The following KPNA7 variants were observed in gnomAD, a reference collection of about 807,000 sequenced individuals.
The protein encoded by KPNA7 is karyopherin subunit alpha 7.
Under a neutral mutation model 53.7 loss-of-function variants are expected in KPNA7, and 54 were observed. The ratio of observed to expected loss-of-function variants is 1.01; its 90% CI spans 0.81 to 1.26. The LOEUF (loss-of-function observed/expected upper bound fraction) is 1.26. Ranked by LOEUF, KPNA7 falls within the 50% of genes most tolerant of loss-of-function variation. The pLI is 0.00. For synonymous variants in KPNA7, 276 were observed against 259.3 expected (o/e 1.06, Z -0.62); for missense variants, 640 against 644.5 (o/e 0.99, Z 0.07).
chr7:99,187,282 C>T (rs182986282), intron 7 of KPNA7, among the ~76,000 whole-genome samples: 40 of 152,104 alleles, frequency 2.6e-4, no homozygotes, highest in Admixed American at 9.2e-4. Flanking sequence ...AGAGAGACTC[C>T]GTCTCACACA....
rs1798923565 is a variant in KPNA7, at chr7:99,176,784, T to C, written c.1464+1136A>G. On this transcript the variant is annotated intron_variant, in intron 10 of 10. Transcript: ENST00000327442. Reference sequence around the variant, plus strand: ...GTCCCAGCTACTTGGGAGCCTGAGGTGGGAGGATTGCTTGAGCCCAGGGAA... The same window carrying C: ...GTCCCAGCTACTTGGGAGCCTGAGGCGGGAGGATTGCTTGAGCCCAGGGAA... Among the ~76,000 whole-genome samples, 3 of 151,806 alleles carry C rather than the reference T, an allele frequency of 2.0e-5. No individual in the cohort carries two copies. In the South Asian group the frequency reaches 6.3e-4, roughly 32 times the overall value.
intron 2 of KPNA7, among the ~76,000 whole-genome samples, chr7:99,206,455 C>T (rs555728331): frequency 3.3e-5 from 5 of 151,876 alleles, no homozygotes; most frequent in Non-Finnish European, 7.4e-5. Context: ...TCATGCCCAG[C>T]CCAGCCTGGT....
At chr7:99,176,309 AAAAGAAAG>A (rs202057365) in intron 10 of KPNA7, among the ~76,000 whole-genome samples, 12,293 of 104,216 alleles carry the variant, frequency 0.12, 856 homozygotes, top group Middle Eastern at 0.17. Context: ...AAAAAAAAAA[AAAAGAAAG>A]AAAGAAAGAA....
At position 99,173,806 on chromosome 7, in the gene KPNA7, A is replaced by G; in HGVS notation, c.1465-12T>C. 1 of 1,464,676 alleles carries G rather than the reference A, an allele frequency of 6.8e-7. No homozygotes were observed. The highest frequency in any genetic ancestry group is 9.4e-7 in the Non-Finnish European group (1 of 1,067,842). 90.7% of individuals were successfully genotyped at this position (1,464,676 alleles called of 1,614,324 possible). ...CTCTCATCTTCTTCCTTCAGGAGAG[A>G]ATAGACACTGTTATACCTCCAGGAT... On this transcript the variant is annotated splice_polypyrimidine_tract_variant and intron_variant, in intron 10 of 10. Transcript: ENST00000327442.
rs148054902 is a variant in KPNA7, at chr7:99,187,123, C to G, written c.900+1177G>C. Reference sequence around the variant, plus strand: ...CCAACCTGGTGAAACCCTGTCTCTACTAAAAATACAAAAATTAGCTGGGCG... The same window carrying G: ...CCAACCTGGTGAAACCCTGTCTCTAGTAAAAATACAAAAATTAGCTGGGCG... On this transcript the variant is annotated intron_variant, in intron 7 of 10. Coordinates refer to ENST00000327442, the MANE Select transcript of KPNA7 (RefSeq NM_001145715.3). Among the ~76,000 whole-genome samples, 1,520 of 152,084 alleles carry G rather than the reference C, an allele frequency of 1.0e-2. 25 individuals are homozygous for G. Among genetic ancestry groups the G allele is most frequent in the African/African-American group, 0.034 (1,418 of 41,486 alleles).
intron 3 of KPNA7, among the ~76,000 whole-genome samples, chr7:99,196,859 G>A (rs1474732257): frequency 6.6e-6 from 1 of 152,154 alleles, no homozygotes; most frequent in Non-Finnish European, 1.5e-5. Flanking sequence ...TCAGAGCTTA[G>A]TCAGTATGAA....
At chr7:99,174,010 T>C (rs962173336) in intron 10 of KPNA7, among the ~76,000 whole-genome samples, 2 of 152,202 alleles carry the variant, frequency 1.3e-5, no homozygotes, top group Non-Finnish European at 2.9e-5. Context: ...TTTGTACCTA[T>C]TGCATCAGGG....
At chr7:99,169,791 A>G (rs1031853885), downstream of KPNA7, among the ~76,000 whole-genome samples, 1 of 151,934 alleles carries the variant, frequency 6.6e-6, no homozygotes, top group African/African-American at 2.4e-5. Context: ...CTGTAATCCC[A>G]GCACTTTGGG....
the KPNA7 span, among the ~76,000 whole-genome samples, chr7:99,152,345 G>C: frequency 2.1e-5 from 3 of 141,838 alleles, no homozygotes; most frequent in Non-Finnish European, 4.5e-5. Flanking sequence ...CAGAGCGAGA[G>C]AGACTCCGTC....
chr7:99,149,856 G>A, the KPNA7 span, among the ~76,000 whole-genome samples: 11 of 152,060 alleles, frequency 7.2e-5, no homozygotes, highest in East Asian at 7.7e-4. Flanking sequence ...GCACGATCTC[G>A]GCTCACGTGC....
In KPNA7 at chr7:99,207,441, T is replaced by G; in HGVS notation, c.26A>C (p.Glu9Ala). Residue 9 changes from glutamate to alanine, a missense_variant, in exon 2 of 11, where the codon GAG becomes GCG. Coordinates refer to ENST00000327442, the MANE Select transcript of KPNA7 (RefSeq NM_001145715.3). ...TCGGTACTTAAATTTTCTCCGCCTC[T>G]CTTCTGGAGCATCTAAGGTCGGCAT... MPTLDAPE[E>A]RRRKFKYRGK... 1 of 1,551,336 alleles carries G rather than the reference T, an allele frequency of 6.4e-7. No homozygotes were observed. The highest frequency in any genetic ancestry group is 2.4e-5 in the East Asian group (1 of 40,894).
chr7:99,157,924 G>A, the KPNA7 span, among the ~76,000 whole-genome samples: 25 of 152,144 alleles, frequency 1.6e-4, no homozygotes, highest in Non-Finnish European at 3.1e-4. Flanking sequence ...ACAGGCAGGT[G>A]CTACCACACC....
At chr7:99,189,707 A>C (rs975694855) in intron 6 of KPNA7, among the ~76,000 whole-genome samples, 1 of 151,916 alleles carries the variant, frequency 6.6e-6, no homozygotes, top group Non-Finnish European at 1.5e-5. Flanking sequence ...CTACAGCCTC[A>C]ACCTCCCAGG....
At chr7:99,149,715 T>G in the KPNA7 span, among the ~76,000 whole-genome samples, 1 of 152,218 alleles carries the variant, frequency 6.6e-6, no homozygotes, top group Non-Finnish European at 1.5e-5. Context: ...CAGATCATAT[T>G]AACCTTTAAA....
chr7:99,180,397 G>T (rs967326852), intron 9 of KPNA7, among the ~76,000 whole-genome samples: 2 of 152,136 alleles, frequency 1.3e-5, no homozygotes, highest in Non-Finnish European at 2.9e-5. Context: ...AGTGATTCAG[G>T]TGGCTGAGGT....
chr7:99,186,999 C>T (rs1789628520), intron 7 of KPNA7, among the ~76,000 whole-genome samples: 1 of 152,034 alleles, frequency 6.6e-6, no homozygotes, highest in Non-Finnish European at 1.5e-5. Flanking sequence ...AATAACATAG[C>T]AAAGCGGCAG....
At chr7:99,182,161 C>T in intron 8 of KPNA7, 96 bp from the exon 9 acceptor site, 1 of 890,834 alleles carries the variant, frequency 1.1e-6, no homozygotes, top group Non-Finnish European at 1.7e-6. Context: ...TGGTGACAGC[C>T]AGGACTGCAT....
At chr7:99,179,280 GAC>G (rs1674710635) in intron 9 of KPNA7, among the ~76,000 whole-genome samples, 1 of 151,986 alleles carries the variant, frequency 6.6e-6, no homozygotes, top group Admixed American at 6.6e-5. Context: ...AGCTAAGCTG[GAC>G]ACAGTGGCCC....
intron 9 of KPNA7, among the ~76,000 whole-genome samples, chr7:99,178,629 C>T (rs1799014431): frequency 1.3e-5 from 2 of 151,862 alleles, no homozygotes; most frequent in Non-Finnish European, 2.9e-5. Context: ...ATTTTGTTAA[C>T]ATTTTGTGTA....
Sources: allele counts gnomAD v4.1 joint callset (sites outside exome capture counted in the v4.1 genomes callset), GRCh38; gene constraint gnomAD v4.1.1; transcripts MANE v1.5; gene names NCBI Gene and HGNC (gene_info 2026-07-23, HGNC 2026-07-21).